CDC25C: variants seen among roughly 807,000 people sequenced by gnomAD.
CDC25C encodes the protein cell division cycle 25C, also known as M-phase inducer phosphatase 3.
CDC25C carries 48 observed loss-of-function variants against 52.5 expected under a neutral mutation model. That is an observed-to-expected ratio of 0.91 (90% CI 0.72 to 1.16). The LOEUF (loss-of-function observed/expected upper bound fraction) is 1.16, where lower values mean the gene tolerates loss of function less well. Ranked by LOEUF, CDC25C falls within the 50% of genes most tolerant of loss-of-function variation. The pLI is 0.00. For missense variants in CDC25C, 510 were observed against 566.1 expected, an observed-to-expected ratio of 0.90 and a Z score of 1.01; for synonymous variants, 187 against 206.5, an observed-to-expected ratio of 0.91 and a Z score of 0.81.
chr5:138,331,457 C>T, intron 1 of CDC25C, 138 bp downstream of exon 1: 1 of 671,300 alleles, frequency 1.5e-6, no homozygotes, highest in Non-Finnish European at 2.2e-6. Flanking sequence ...AGACTCCTGA[C>T]TAGAAAGAAC....
chr5:138,288,693 T>G (rs1756466936), intron 10 of CDC25C, among the ~76,000 whole-genome samples: 1 of 152,096 alleles, frequency 6.6e-6, no homozygotes, highest in South Asian at 2.1e-4. Flanking sequence ...ACTCCATGTC[T>G]AAAAATAAAA....
chr5:138,325,450 G>T (rs1759773617), intron 6 of CDC25C, among the ~76,000 whole-genome samples: 1 of 152,084 alleles, frequency 6.6e-6, no homozygotes, highest in South Asian at 2.1e-4. Flanking sequence ...TGCATGTAAA[G>T]TGGTAAAAAA....
chr5:138,291,248 C>A (rs951237959), intron 8 of CDC25C, among the ~76,000 whole-genome samples: 23 of 151,892 alleles, frequency 1.5e-4, no homozygotes, highest in African/African-American at 4.1e-4. Context: ...GGGTAAAGGA[C>A]AAAGGCTAAG....
At chr5:138,314,482 G>A (rs1436432292) in intron 7 of CDC25C, among the ~76,000 whole-genome samples, 1 of 151,126 alleles carries the variant, frequency 6.6e-6, no homozygotes, top group African/African-American at 2.4e-5. Flanking sequence ...TTTTAGTAGA[G>A]CCAAGGTTTC....
chr5:138,305,604 T>C (rs902824675), intron 7 of CDC25C, among the ~76,000 whole-genome samples: 2 of 152,180 alleles, frequency 1.3e-5, no homozygotes, highest in Admixed American at 1.3e-4. Flanking sequence ...GCTTACTGTG[T>C]TGCCTAGGCT....
Position 138,285,498 on chromosome 5 carries a change from C to T in CDC25C, c.*194G>A, listed in dbSNP as rs909115144. 2.7e-5 allele frequency: 17 copies of T among 622,530 alleles called. No homozygotes were observed. Among genetic ancestry groups the T allele is most frequent in the African/African-American group, 1.8e-4 (10 of 54,640 alleles). The allele number at this position is 622,530 out of a possible 1,614,324, so 38.6% of individuals were successfully genotyped here. A position where few individuals can be genotyped will look rare whatever the true frequency, so the allele number is the denominator to read the frequency against. Reference sequence around the variant, plus strand: ...CAAGGCTGCCTTATAGAGCCAGCTCCAGGACTCTGCCACCAGCTTTCAGCT... The same window carrying T: ...CAAGGCTGCCTTATAGAGCCAGCTCTAGGACTCTGCCACCAGCTTTCAGCT... On this transcript the variant is annotated 3_prime_UTR_variant, in exon 14 of 14. Transcript: ENST00000323760.
At chr5:138,310,766 C>T (rs140402664) in intron 7 of CDC25C, among the ~76,000 whole-genome samples, 8 of 152,296 alleles carry the variant, frequency 5.3e-5, no homozygotes, top group African/African-American at 1.7e-4. Context: ...CAGACCACTG[C>T]GCTCCACTGA....
At chr5:138,295,603 A>G (rs780728889) in intron 7 of CDC25C, among the ~76,000 whole-genome samples, 13 of 151,150 alleles carry the variant, frequency 8.6e-5, no homozygotes, top group Non-Finnish European at 1.6e-4. Context: ...ATAGTGCAAG[A>G]TCCTGTCTTC....
upstream of CDC25C, among the ~76,000 whole-genome samples, chr5:138,332,440 C>T (rs2126858411): frequency 6.6e-6 from 1 of 152,190 alleles, no homozygotes; most frequent in East Asian, 1.9e-4. Flanking sequence ...GACTCTAGCT[C>T]ACGTGGGTAA....
intron 7 of CDC25C, among the ~76,000 whole-genome samples, chr5:138,307,655 AT>A (rs1758124594): frequency 6.6e-6 from 1 of 151,922 alleles, no homozygotes; most frequent in South Asian, 2.1e-4. Flanking sequence ...TTGTCCAAAT[AT>A]TTTTCAAAGA....
At chr5:138,322,442 G>C (rs1344694035) in intron 6 of CDC25C, among the ~76,000 whole-genome samples, 1 of 146,964 alleles carries the variant, frequency 6.8e-6, no homozygotes, top group Non-Finnish European at 1.5e-5. Flanking sequence ...TGGGATTACA[G>C]ATGCCTGCCA....
intron 7 of CDC25C, among the ~76,000 whole-genome samples, chr5:138,294,960 G>C (rs906149243): frequency 6.6e-6 from 1 of 152,158 alleles, no homozygotes; most frequent in Admixed American, 6.5e-5. Context: ...TTCTTCAGAT[G>C]CTTTATGGTT....
At chr5:138,296,284 G>A (rs1416708577) in intron 7 of CDC25C, among the ~76,000 whole-genome samples, 2 of 152,062 alleles carry the variant, frequency 1.3e-5, no homozygotes, top group Non-Finnish European at 2.9e-5. Flanking sequence ...AACCCAGGCT[G>A]GAGTGCAGTG....
At chr5:138,285,992 G>A (rs375011184) in intron 13 of CDC25C, 30 bp downstream of exon 13, 94 of 1,581,418 alleles carry the variant, frequency 5.9e-5, no homozygotes, top group Non-Finnish European at 7.6e-5. Context: ...AGTTGTTAAA[G>A]TTTGGCTCCC....
intron 7 of CDC25C, among the ~76,000 whole-genome samples, chr5:138,307,866 G>A (rs1758141754): frequency 6.6e-6 from 1 of 152,110 alleles, no homozygotes; most frequent in Non-Finnish European, 1.5e-5. Context: ...GACCAGTTTT[G>A]TGGAAGACAT....
rs987088595 is a variant in CDC25C, at chr5:138,323,288, A to G, written c.459+2527T>C. Among the ~76,000 whole-genome samples, 17 of 151,798 alleles carry G rather than the reference A, an allele frequency of 1.1e-4. No individual in the cohort carries two copies. The East Asian group carries it at 1.7e-3, about 16-fold the overall frequency. On this transcript the variant is annotated intron_variant, in intron 6 of 13. Transcript: ENST00000323760. Reference sequence around the variant, plus strand: ...TTACCATGTATGTATGTGTGTGTGTATTATTTATTTGAGACTGAGTCTCCA... The same window carrying G: ...TTACCATGTATGTATGTGTGTGTGTGTTATTTATTTGAGACTGAGTCTCCA...
chr5:138,298,978 G>A (rs62380877), intron 7 of CDC25C, among the ~76,000 whole-genome samples: 22,094 of 143,036 alleles, frequency 0.15, 1,878 homozygotes, highest in South Asian at 0.24. Context: ...GGATCACCTG[G>A]GGTTAGGAGT....
intron 7 of CDC25C, among the ~76,000 whole-genome samples, chr5:138,295,585 C>G (rs1757118615): frequency 1.3e-5 from 2 of 151,430 alleles, no homozygotes; most frequent in African/African-American, 4.9e-5. Flanking sequence ...TGCATTCCAG[C>G]CTGGGTGATA....
intron 7 of CDC25C, among the ~76,000 whole-genome samples, chr5:138,307,511 A>AAAAAGAGAAAGAAG (rs1758108161): frequency 2.2e-5 from 3 of 136,178 alleles, no homozygotes; most frequent in Non-Finnish European, 4.8e-5. Flanking sequence ...AAAAAAAAAA[A>AAAAAGAGAAAGAAG]GAAAAAGAGA....
Sources: allele counts gnomAD v4.1 joint callset (sites outside exome capture counted in the v4.1 genomes callset), GRCh38; gene constraint gnomAD v4.1.1; transcripts MANE v1.5; gene names NCBI Gene and HGNC (gene_info 2026-07-23, HGNC 2026-07-21).